The following SENP7 variants were observed in gnomAD, a reference collection of about 807,000 sequenced individuals.
The protein encoded by SENP7 is sentrin-specific protease 7.
In SENP7, 64 loss-of-function variants were observed where a neutral mutation model predicts 141.2. That is an observed-to-expected ratio of 0.45 (90% confidence interval 0.37 to 0.56). SENP7 has a LOEUF of 0.56. SENP7 is among the 20% of genes least tolerant of loss of function. The pLI is 0.00. For missense variants in SENP7, 1,025 were observed against 1,212.2 expected, an observed-to-expected ratio of 0.85 and a Z score of 2.29; for synonymous variants, 382 against 426.4, an observed-to-expected ratio of 0.90 and a Z score of 1.28.
At chr3:101,410,414 A>C (rs572466639) in intron 5 of SENP7, among the ~76,000 whole-genome samples, 6 of 152,324 alleles carry the variant, frequency 3.9e-5, no homozygotes, top group South Asian at 2.1e-4. Flanking sequence ...TGATCCAGCA[A>C]TCCCACTCCT....
chr3:101,440,344 G>A (rs2062614531), intron 4 of SENP7, among the ~76,000 whole-genome samples: 1 of 70,502 alleles, frequency 1.4e-5, no homozygotes, highest in East Asian at 3.2e-4. Flanking sequence ...GGTGCAAGAT[G>A]TGCTTTGTTA....
At position 101,328,546 on chromosome 3, in the gene SENP7, C is replaced by T. The variant is rs768155374; in HGVS notation, c.2796G>A (p.Arg932=). Residue 932 remains arginine (R), a splice_region_variant and synonymous_variant, in exon 22 of 24, where the codon AGG becomes AGA. Transcript: ENST00000394095. The part of the protein sequence containing the change: ...NMSVPKKMCK[R]PCILILDSLK... ...AGGAGTCTAGTATAAGAATACATGGCCTATGAAAAGCAAAGGACAAAATCA... is the reference window on the plus strand; with the variant it reads ...AGGAGTCTAGTATAAGAATACATGGTCTATGAAAAGCAAAGGACAAAATCA... The T allele has an allele frequency of 1.9e-6, 3 of 1,611,774 alleles. No homozygotes were observed. The highest frequency in any genetic ancestry group is 1.7e-5 in the Admixed American group (1 of 59,884).
intron 4 of SENP7, among the ~76,000 whole-genome samples, chr3:101,422,271 G>A (rs55972805): frequency 0.4 from 60,353 of 151,834 alleles, 12,511 homozygotes; most frequent in Admixed American, 0.54. Flanking sequence ...AACCCCATCC[G>A]TGGAAAAATT....
chr3:101,400,960 T>A (rs2061120863), intron 5 of SENP7, among the ~76,000 whole-genome samples: 1 of 151,992 alleles, frequency 6.6e-6, no homozygotes, highest in South Asian at 2.1e-4. Flanking sequence ...CATCCAGCCA[T>A]GGCAGTACAT....
chr3:101,423,065 T>C (rs2061838985), intron 4 of SENP7, among the ~76,000 whole-genome samples: 1 of 152,174 alleles, frequency 6.6e-6, no homozygotes, highest in African/African-American at 2.4e-5. Context: ...TTTCATGCCT[T>C]TTGTCATAAT....
At chr3:101,445,186 C>T (rs2062842643) in intron 4 of SENP7, among the ~76,000 whole-genome samples, 1 of 152,052 alleles carries the variant, frequency 6.6e-6, no homozygotes, top group Admixed American at 6.6e-5. Context: ...ATGATATCTT[C>T]AAAGCGCTGA....
intron 4 of SENP7, among the ~76,000 whole-genome samples, chr3:101,451,751 A>G (rs557667286): frequency 4.1e-4 from 62 of 152,342 alleles, no homozygotes; most frequent in Non-Finnish European, 7.8e-4. Context: ...CTCACAGCCA[A>G]TATCATACTG....
At chr3:101,495,543 A>T (rs2065128523) in intron 2 of SENP7, among the ~76,000 whole-genome samples, 1 of 152,246 alleles carries the variant, frequency 6.6e-6, no homozygotes, top group Admixed American at 6.5e-5. Flanking sequence ...AATATAAAAC[A>T]TATATACATA....
chr3:101,491,334 GCT>G, intron 3 of SENP7, among the ~76,000 whole-genome samples: 17 of 86,142 alleles, frequency 2.0e-4, no homozygotes, highest in Admixed American at 6.0e-4. Context: ...TATTTCCTAG[GCT>G]GGTCTCCAAA....
At chr3:101,355,107 A>G (rs1321673753) in intron 11 of SENP7, among the ~76,000 whole-genome samples, 1 of 151,962 alleles carries the variant, frequency 6.6e-6, no homozygotes, top group Non-Finnish European at 1.5e-5. Flanking sequence ...TATAGATGCT[A>G]GATATTAGAC....
intron 17 of SENP7, among the ~76,000 whole-genome samples, chr3:101,335,168 G>A (rs906181234): frequency 1.2e-4 from 18 of 152,098 alleles, no homozygotes; most frequent in Admixed American, 9.2e-4. Context: ...ATAGGAAAGC[G>A]GTCAGCATAT....
chr3:101,513,023 C>G lies in SENP7; in HGVS notation c.40+68G>C, dbSNP rs561005075. The G allele has an allele frequency of 2.7e-4, 393 of 1,481,120 alleles. 1 individual carries two copies. The highest frequency in any genetic ancestry group is 5.7e-4 in the Middle Eastern group (3 of 5,302). 91.7% of individuals were successfully genotyped at this position (1,481,120 alleles called of 1,614,324 possible). On this transcript the variant is annotated intron_variant, in intron 1 of 23. Transcript: ENST00000394095. ...CGGCTTCGGGCCGCAACCCCAGCTG[C>G]CGCCTGCGCCTCCCGTTTCCCCCGG...
intron 3 of SENP7, among the ~76,000 whole-genome samples, chr3:101,475,540 C>T (rs538828002): frequency 2.0e-4 from 31 of 152,194 alleles, no homozygotes; most frequent in Middle Eastern, 3.4e-3. Context: ...ACACTGGAGC[C>T]TGTCAGGGGG....
chr3:101,357,849 T>G, intron 11 of SENP7: 2 of 564,120 alleles, frequency 3.5e-6, no homozygotes, highest in Non-Finnish European at 6.6e-6. Flanking sequence ...ACGCTACAGA[T>G]GTGAAGAATC....
At chr3:101,435,582 A>G (rs1475911869) in intron 4 of SENP7, among the ~76,000 whole-genome samples, 1 of 152,188 alleles carries the variant, frequency 6.6e-6, no homozygotes, top group Non-Finnish European at 1.5e-5. Flanking sequence ...CAAATTCAGT[A>G]AAGTTGCAGG....
At chr3:101,351,570 C>G in intron 12 of SENP7, 48 bp downstream of exon 12, 3 of 1,276,802 alleles carry the variant, frequency 2.3e-6, no homozygotes, top group Non-Finnish European at 3.1e-6. Context: ...TAAATTTATA[C>G]TAAAAACTAT....
chr3:101,452,248 A>G (rs1352552417), intron 4 of SENP7, among the ~76,000 whole-genome samples: 1 of 152,252 alleles, frequency 6.6e-6, no homozygotes, highest in Non-Finnish European at 1.5e-5. Context: ...TTCCATGCTC[A>G]TGGGTAGGAA....
intron 1 of SENP7, among the ~76,000 whole-genome samples, chr3:101,502,930 A>C (rs1013711013): frequency 6.6e-6 from 1 of 152,042 alleles, no homozygotes; most frequent in Non-Finnish European, 1.5e-5. Flanking sequence ...TTAAAAAAAA[A>C]AAAAAAAGAA....
At chr3:101,423,472 A>G (rs1226194819) in intron 4 of SENP7, among the ~76,000 whole-genome samples, 1 of 152,132 alleles carries the variant, frequency 6.6e-6, no homozygotes, top group African/African-American at 2.4e-5. Flanking sequence ...AATACGGCAC[A>G]ATCACTTATG....
Sources: gnomAD v4.1 joint callset for allele counts (sites outside exome capture counted in the v4.1 genomes callset) on GRCh38, gnomAD v4.1.1 for gene constraint, MANE v1.5 for transcripts, NCBI Gene and HGNC (gene_info 2026-07-23, HGNC 2026-07-21) for gene names.